Variants in NALF1 observed in about 807,000 individuals in gnomAD.
NALF1 encodes the protein NALCN channel auxiliary factor 1, also known as family with sequence similarity 155 member A.
Under a neutral mutation model 48.4 loss-of-function variants are expected in NALF1, and 3 were observed. The observed-to-expected ratio is 0.06, with a 90% CI of 0.03 to 0.16. The LOEUF is 0.16. Among genes scored for constraint, NALF1 ranks in the 10% least tolerant of loss-of-function variants. The probability of loss-of-function intolerance (pLI) is 1.00; values close to 1 mark genes in which losing one functional copy is unlikely to be tolerated. For missense variants in NALF1, 526 were observed against 571.5 expected (o/e 0.92, Z 0.81); for synonymous variants, 262 against 245.7 (o/e 1.07, Z -0.62).
chr13:107,228,371 A>C (rs1880150379), intron 1 of NALF1, among the ~76,000 whole-genome samples: 1 of 152,158 alleles, frequency 6.6e-6, no homozygotes, highest in South Asian at 2.1e-4. Flanking sequence ...ACTCAGTTAT[A>C]GGAAAGTAGT....
intron 1 of NALF1, among the ~76,000 whole-genome samples, chr13:107,450,539 A>C (rs905016841): frequency 1.3e-5 from 2 of 152,158 alleles, no homozygotes; most frequent in African/African-American, 4.8e-5. Flanking sequence ...GGAAGCATTA[A>C]GTTTAGGCTG....
At chr13:107,209,133 G>A (rs1879705079) in intron 2 of NALF1, among the ~76,000 whole-genome samples, 1 of 152,212 alleles carries the variant, frequency 6.6e-6, no homozygotes, top group Admixed American at 6.5e-5. Flanking sequence ...CTGAGAGAAT[G>A]TACAATAGAA....
At chr13:107,317,527 C>A (rs1234700665) in intron 1 of NALF1, among the ~76,000 whole-genome samples, 1 of 151,978 alleles carries the variant, frequency 6.6e-6, no homozygotes, top group Admixed American at 6.6e-5. Context: ...ACCAATCTAT[C>A]CCCAAATTCT....
intron 1 of NALF1, among the ~76,000 whole-genome samples, chr13:107,487,321 C>T (rs1485513739): frequency 1.3e-5 from 2 of 152,130 alleles, no homozygotes; most frequent in Non-Finnish European, 2.9e-5. Context: ...TGGCAAACAA[C>T]TTTCCAAGTG....
Position 107,543,258 on chromosome 13 carries a change from C to G in NALF1, c.915+322424G>C, listed in dbSNP as rs201824540. On this transcript the variant is annotated intron_variant, in intron 1 of 2. Transcript: ENST00000375915. ...AATTAGGGTATGTTTAGCATGGAAACTTAAAACTAATGCTACATAATATGT... is the reference window on the plus strand; with the variant it reads ...AATTAGGGTATGTTTAGCATGGAAAGTTAAAACTAATGCTACATAATATGT... Among the ~76,000 whole-genome samples the G allele has an allele frequency of 3.9e-5, 6 of 151,952 alleles. No homozygotes were observed. In the South Asian group the frequency reaches 8.3e-4, roughly 21 times the overall value.
At chr13:107,541,859 A>G (rs1877009647) in intron 1 of NALF1, among the ~76,000 whole-genome samples, 1 of 152,104 alleles carries the variant, frequency 6.6e-6, no homozygotes, top group Non-Finnish European at 1.5e-5. Flanking sequence ...TCCAAGAACT[A>G]AGTGTGGCCA....
At chr13:107,442,698 A>G (rs147404676) in intron 1 of NALF1, among the ~76,000 whole-genome samples, 1 of 152,220 alleles carries the variant, frequency 6.6e-6, no homozygotes, top group African/African-American at 2.4e-5. Context: ...AGATATTAAG[A>G]AAACCAATAT....
intron 1 of NALF1, among the ~76,000 whole-genome samples, chr13:107,521,237 A>G (rs2139096409): frequency 6.6e-6 from 1 of 152,296 alleles, no homozygotes; most frequent in East Asian, 1.9e-4. Flanking sequence ...TGCAATTGGA[A>G]TTTCATTTGC....
intron 1 of NALF1, among the ~76,000 whole-genome samples, chr13:107,262,769 G>GCGCGCGCTCT (rs36027059): frequency 2.2e-4 from 31 of 144,114 alleles, no homozygotes; most frequent in East Asian, 1.5e-3. Flanking sequence ...ACCCACAGGC[G>GCGCGCGCTCT]CTCTCTCTCT....
intron 1 of NALF1, among the ~76,000 whole-genome samples, chr13:107,625,759 G>C (rs1594168327): frequency 6.6e-6 from 1 of 151,956 alleles, no homozygotes; most frequent in Admixed American, 6.6e-5. Flanking sequence ...TCCTAGACTG[G>C]AGCTACACTA....
chr13:107,773,695 C>A (rs1877643028), intron 1 of NALF1, among the ~76,000 whole-genome samples: 1 of 117,230 alleles, frequency 8.5e-6, no homozygotes, highest in Non-Finnish European at 1.6e-5. Context: ...CACATGGACA[C>A]AGGAAGGGGA....
At chr13:107,705,945 G>C (rs1334150115) in intron 1 of NALF1, among the ~76,000 whole-genome samples, 5 of 152,136 alleles carry the variant, frequency 3.3e-5, no homozygotes, top group Admixed American at 3.3e-4. Context: ...ATATTTAAGA[G>C]AGAGAGAGAG....
intron 1 of NALF1, among the ~76,000 whole-genome samples, chr13:107,771,806 G>A (rs1351713210): frequency 6.6e-6 from 1 of 151,978 alleles, no homozygotes; most frequent in East Asian, 1.9e-4. Flanking sequence ...GCGCGATCTC[G>A]GCTCACTGCA....
chr13:107,523,197 T>C (rs531606150), intron 1 of NALF1, among the ~76,000 whole-genome samples: 3 of 152,224 alleles, frequency 2.0e-5, no homozygotes, highest in African/African-American at 7.2e-5. Context: ...AGAGCCATTG[T>C]TCTCCACATT....
At chr13:107,458,212 G>A (rs77879891) in intron 1 of NALF1, among the ~76,000 whole-genome samples, 6,594 of 152,158 alleles carry the variant, frequency 0.043, 388 homozygotes, top group African/African-American at 0.13. Context: ...AAGGAAAAAC[G>A]TAGACACCTA....
chr13:107,334,877 GGT>G (rs1312126923), intron 1 of NALF1, among the ~76,000 whole-genome samples: 1 of 152,126 alleles, frequency 6.6e-6, no homozygotes, highest in Admixed American at 6.5e-5. Context: ...TGTCTTGCTG[GGT>G]GAAATGAAAA....
intron 1 of NALF1, among the ~76,000 whole-genome samples, chr13:107,734,232 G>A (rs1025685545): frequency 1.3e-5 from 2 of 152,038 alleles, no homozygotes; most frequent in Non-Finnish European, 2.9e-5. Flanking sequence ...GACCGTCTAC[G>A]ATAATGAATC....
At chr13:107,743,288 G>C (rs1876689960) in intron 1 of NALF1, among the ~76,000 whole-genome samples, 1 of 152,154 alleles carries the variant, frequency 6.6e-6, no homozygotes, top group East Asian at 1.9e-4. Context: ...AAGTGTGTAA[G>C]TGATTCGTAA....
At chr13:107,410,265 C>A (rs1724318378) in intron 1 of NALF1, among the ~76,000 whole-genome samples, 1 of 152,080 alleles carries the variant, frequency 6.6e-6, no homozygotes, top group Non-Finnish European at 1.5e-5. Context: ...CATTCCACAC[C>A]TTTTCCCCTG....
Sources: gnomAD v4.1 joint callset for allele counts (sites outside exome capture counted in the v4.1 genomes callset) on GRCh38, gnomAD v4.1.1 for gene constraint, MANE v1.5 for transcripts, NCBI Gene and HGNC (gene_info 2026-07-23, HGNC 2026-07-21) for gene names.